Variants in HABP4 observed in about 807,000 individuals in gnomAD.
The protein encoded by HABP4 is intracellular hyaluronan-binding protein 4.
A neutral mutation model predicts 44.1 loss-of-function variants in HABP4; 32 were observed. That is an observed-to-expected ratio of 0.73 (90% CI 0.55 to 0.97). The LOEUF (loss-of-function observed/expected upper bound fraction) is 0.97, where lower values mean the gene tolerates loss of function less well. HABP4 is among the 50% of genes least tolerant of loss of function. HABP4 has a pLI of 0.00. For synonymous variants in HABP4, 216 were observed against 218.0 expected (o/e 0.99, Z 0.08); for missense variants, 503 against 561.9 (o/e 0.90, Z 1.06).
intron 5 of HABP4, 141 bp from the exon 6 acceptor site, chr9:96,484,321 C>T: frequency 1.8e-6 from 1 of 547,698 alleles, no homozygotes; most frequent in Non-Finnish European, 3.2e-6. Flanking sequence ...GCTTGTGAGT[C>T]AAAGATTTCC....
At position 96,471,099 on chromosome 9, in the gene HABP4, G is replaced by C; in HGVS notation, c.827+5G>C. ...GGAAGAGGAGTCTCCAGCCAAGTAG[G>C]GCATTTTGTTCATTCCCCATTGTGG... On this transcript the variant is annotated splice_donor_5th_base_variant and intron_variant, in intron 5 of 7. Coordinates refer to ENST00000375249, the MANE Select transcript of HABP4 (RefSeq NM_014282.4). The C allele has an allele frequency of 6.8e-7, 1 of 1,479,258 alleles. No individual in the cohort carries two copies. Among genetic ancestry groups the C allele is most frequent in the Non-Finnish European group, 9.5e-7 (1 of 1,056,948 alleles). 91.6% of individuals were successfully genotyped at this position (1,479,258 alleles called of 1,614,324 possible).
At chr9:96,486,862 C>T (rs1470652945) in intron 6 of HABP4, among the ~76,000 whole-genome samples, 2 of 152,006 alleles carry the variant, frequency 1.3e-5, no homozygotes, top group Non-Finnish European at 2.9e-5. Context: ...TAGACTGTGT[C>T]CACTCCCTGC....
At chr9:96,465,984 T>G (rs935461121) in intron 4 of HABP4, among the ~76,000 whole-genome samples, 2 of 152,234 alleles carry the variant, frequency 1.3e-5, no homozygotes, top group Non-Finnish European at 2.9e-5. Context: ...CTTTTAAAAT[T>G]CTATTACTTT....
At chr9:96,476,251 TATTA>T (rs1035901581) in intron 5 of HABP4, among the ~76,000 whole-genome samples, 1 of 152,208 alleles carries the variant, frequency 6.6e-6, no homozygotes, top group African/African-American at 2.4e-5. Flanking sequence ...TAAAATGGGA[TATTA>T]ATTATATCTA....
At chr9:96,478,933 G>T (rs923712555) in intron 5 of HABP4, among the ~76,000 whole-genome samples, 1 of 152,056 alleles carries the variant, frequency 6.6e-6, no homozygotes, top group East Asian at 1.9e-4. Flanking sequence ...CTTCATTGTG[G>T]TTTTAATTTG....
intron 2 of HABP4, among the ~76,000 whole-genome samples, chr9:96,460,233 T>G (rs1832477131): frequency 6.6e-6 from 1 of 152,186 alleles, no homozygotes; most frequent in African/African-American, 2.4e-5. Context: ...GAGGGGTTTT[T>G]TAATTTAAAT....
chr9:96,467,444 AT>A (rs1475873423), intron 4 of HABP4, among the ~76,000 whole-genome samples: 1 of 150,950 alleles, frequency 6.6e-6, no homozygotes, highest in Non-Finnish European at 1.5e-5. Flanking sequence ...TTGATAATAT[AT>A]TTTAAAAAGT....
rs574191717 is a variant in HABP4, at chr9:96,454,417, A to G, written c.349+3789A>G. On this transcript the variant is annotated intron_variant, in intron 1 of 7. Transcript: ENST00000375249. ...CTTTCTTAGTGGCTTTTTCTGCCTT[A>G]CATTTTGAATGCCTTTTCCAGTTCT... 2.0e-4 allele frequency among the ~76,000 whole-genome samples: 30 copies of G among 150,548 alleles called. 1 individual carries two copies. The South Asian group carries it at 6.1e-3, about 31-fold the overall frequency.
At chr9:96,480,164 G>A (rs748738108) in intron 5 of HABP4, among the ~76,000 whole-genome samples, 22 of 152,102 alleles carry the variant, frequency 1.4e-4, no homozygotes, top group Admixed American at 6.5e-4. Flanking sequence ...GACAGAGTGA[G>A]ACCCTGTCTC....
At chr9:96,464,453 C>T (rs62558783) in intron 2 of HABP4, among the ~76,000 whole-genome samples, 2 of 152,076 alleles carry the variant, frequency 1.3e-5, no homozygotes, top group Non-Finnish European at 2.9e-5. Context: ...GATGGGTATC[C>T]GTATAGAGCA....
chr9:96,456,015 A>G (rs1398641669), intron 1 of HABP4, among the ~76,000 whole-genome samples: 1 of 152,134 alleles, frequency 6.6e-6, no homozygotes, highest in Non-Finnish European at 1.5e-5. Context: ...AGATCACACC[A>G]TTGTACTCCA....
chr9:96,467,378 A>G (rs868107899), intron 4 of HABP4, among the ~76,000 whole-genome samples: 2 of 152,166 alleles, frequency 1.3e-5, no homozygotes, highest in Non-Finnish European at 2.9e-5. Flanking sequence ...ATGTTTCTCT[A>G]TCTGGGGTTC....
intron 4 of HABP4, among the ~76,000 whole-genome samples, chr9:96,468,579 G>C (rs1488123929): frequency 6.6e-6 from 1 of 151,914 alleles, no homozygotes; most frequent in South Asian, 2.1e-4. Context: ...TTTTAGTAGA[G>C]ATGCAGGTCT....
At position 96,450,657 on chromosome 9, in the gene HABP4, C is replaced by G. The variant is rs1449778679; in HGVS notation, c.349+29C>G. ...CGCGGGGACAGCGGGGTTAGCGGAC[C>G]ACGGCTCGGCCCGCTGTGAGACTGG... On this transcript the variant is annotated intron_variant, in intron 1 of 7. Transcript: ENST00000375249. The surrounding 1 kb of genome is among the most constrained non-coding windows in gnomAD (Gnocchi z 4.8). 6 of 1,250,420 alleles carry G rather than the reference C, an allele frequency of 4.8e-6. No individual in the cohort carries two copies. Among genetic ancestry groups the G allele is most frequent in the Admixed American group, 4.2e-5 (1 of 23,840 alleles). 77.5% of individuals were successfully genotyped at this position (1,250,420 alleles called of 1,614,324 possible).
intron 4 of HABP4, among the ~76,000 whole-genome samples, chr9:96,467,528 T>TG (rs1656653157): frequency 8.0e-6 from 1 of 124,534 alleles, no homozygotes; most frequent in African/African-American, 4.2e-5. Context: ...CTTTTTTTCC[T>TG]TTTTTTTTTT....
intron 2 of HABP4, among the ~76,000 whole-genome samples, chr9:96,463,378 C>T (rs1422618288): frequency 6.6e-6 from 1 of 152,146 alleles, no homozygotes; most frequent in Non-Finnish European, 1.5e-5. Context: ...CTGCAGTCCC[C>T]CAAGTAGCTG....
chr9:96,465,691 CTATTCTTTCTT>C lies in HABP4; in HGVS notation c.675-17_675-7del. On this transcript the variant is annotated splice_region_variant and splice_polypyrimidine_tract_variant and intron_variant, in intron 3 of 7. Transcript: ENST00000375249. ...GGAGACTAGCTTCTGGTTTAAGGGA[CTATTCTTTCTT>C]TCCGTAGAGCAGTCAGAACTGAAGA... 6.5e-7 allele frequency: 1 copy of C among 1,544,052 alleles called. No homozygotes were observed. The highest frequency in any genetic ancestry group is 9.0e-7 in the Non-Finnish European group (1 of 1,116,324).
intron 1 of HABP4, among the ~76,000 whole-genome samples, chr9:96,455,313 G>A (rs1832355093): frequency 6.6e-6 from 1 of 150,506 alleles, no homozygotes; most frequent in Non-Finnish European, 1.5e-5. Flanking sequence ...TTACCTGAGC[G>A]TGGTGGCACA....
At chr9:96,456,780 AATATATATATAT>A (rs71368267) in intron 1 of HABP4, among the ~76,000 whole-genome samples, 874 of 44,714 alleles carry the variant, frequency 0.02, 20 homozygotes, top group Middle Eastern at 0.053. Flanking sequence ...AAAAAAAAAA[AATATATATATAT>A]ATATATATAT....
Sources: gnomAD v4.1 joint callset for allele counts (sites outside exome capture counted in the v4.1 genomes callset) on GRCh38, gnomAD v4.1.1 for gene constraint, Gnocchi (gnomAD v3.1) non-coding constraint, MANE v1.5 for transcripts, NCBI Gene and HGNC (gene_info 2026-07-23, HGNC 2026-07-21) for gene names.